Variants in SNED1 observed in about 807,000 individuals in gnomAD.
The protein encoded by SNED1 is sushi, nidogen and EGF-like domain-containing protein 1.
In SNED1, 81 loss-of-function variants were observed where a neutral mutation model predicts 166.7. The observed-to-expected ratio is 0.49, with a 90% CI of 0.41 to 0.58. The LOEUF is 0.58. Ranked by LOEUF, SNED1 falls within the 20% of genes least tolerant of loss-of-function variation. The pLI, the probability that SNED1 is intolerant of heterozygous loss-of-function variation, is 0.00. For synonymous variants in SNED1, 762 were observed against 822.0 expected, an observed-to-expected ratio of 0.93 and a Z score of 1.25; for missense variants, 1,604 against 2,000.2, an observed-to-expected ratio of 0.80 and a Z score of 3.78.
chr2:241,038,074 C>CCA (rs1478248621), intron 6 of SNED1, among the ~76,000 whole-genome samples: 5 of 151,880 alleles, frequency 3.3e-5, no homozygotes, highest in Non-Finnish European at 5.9e-5. Context: ...GGTGGACCCC[C>CCA]CCCCAATTCC....
chr2:241,014,712 T>A (rs927979029), intron 1 of SNED1, among the ~76,000 whole-genome samples: 1 of 152,206 alleles, frequency 6.6e-6, no homozygotes, highest in Non-Finnish European at 1.5e-5. Context: ...TTTAATGGCA[T>A]CCTTGGGTGG....
chr2:241,073,583 G>T lies in SNED1; in HGVS notation c.3916+219G>T. 1 of 597,242 alleles carries T rather than the reference G, an allele frequency of 1.7e-6. No individual in the cohort carries two copies. Among genetic ancestry groups the T allele is most frequent in the Non-Finnish European group, 3.0e-6 (1 of 332,006 alleles). 37.0% of individuals were successfully genotyped at this position (597,242 alleles called of 1,614,324 possible). A position where few individuals can be genotyped will look rare whatever the true frequency, so the allele number is the denominator to read the frequency against. The stretch of plus-strand genomic sequence containing the variant: ...CAGACGGGAACAGGCCAGGGGGCAG[G>T]ACCCACCCAAACCACCCAGAGTCTG... On this transcript the variant is annotated intron_variant, in intron 27 of 31. Transcript: ENST00000310397. The surrounding 1 kb of genome is among the most constrained non-coding windows in gnomAD (Gnocchi z 6.6).
At chr2:241,024,535 C>A (rs920403693) in intron 1 of SNED1, among the ~76,000 whole-genome samples, 1 of 151,324 alleles carries the variant, frequency 6.6e-6, no homozygotes, top group Non-Finnish European at 1.5e-5. Flanking sequence ...TGTAAGCCAC[C>A]GCACCCAGCC....
chr2:241,040,967 C>G, intron 8 of SNED1: 1 of 403,888 alleles, frequency 2.5e-6, no homozygotes, highest in Non-Finnish European at 5.0e-6. Flanking sequence ...CTGATTGTTG[C>G]ACCTGCCTCC....
In SNED1 at chr2:241,071,707, A is replaced by AATGCCCCCCC; in HGVS notation, c.3721_3722insATGCCCCCCC (p.Thr1241AsnfsTer61). 1.2e-6 allele frequency: 1 copy of AATGCCCCCCC among 805,488 alleles called. No individual in the cohort carries two copies. Among genetic ancestry groups the AATGCCCCCCC allele is most frequent in the Non-Finnish European group, 1.8e-6 (1 of 564,406 alleles). 49.9% of individuals were successfully genotyped at this position (805,488 alleles called of 1,614,324 possible). On this transcript the variant is annotated frameshift_variant, in exon 25 of 32. Coordinates refer to ENST00000310397, the MANE Select transcript of SNED1 (RefSeq NM_001080437.3). LOFTEE classifies it high-confidence loss of function. ...TGACCACAGCGCCCCCGAGACCCCC[A>AATGCCCCCCC]CCCAGCCCCCCAGGTACATGCCCCA...
chr2:241,048,317 G>A lies in SNED1; in HGVS notation c.1276G>A (p.Asp426Asn), dbSNP rs1172489075. ...GGTGACTGCCGTCTTTCTTGCAGGA[G>A]ACCATCCAGTGCCAGACGCCTGCCT... ...PFKGLRCETG[D>N]HPVPDACLSA... Residue 426 changes from aspartate (D) to asparagine (N), a missense_variant and splice_region_variant, in exon 9 of 32, where the codon GAC becomes AAC. By Grantham distance (23) the Asp-to-Asn change is conservative. Coordinates refer to ENST00000310397, the MANE Select transcript of SNED1 (RefSeq NM_001080437.3). 8.8e-6 allele frequency: 14 copies of A among 1,599,298 alleles called. No homozygotes were observed. The highest frequency in any genetic ancestry group is 2.7e-5 in the African/African-American group (2 of 74,326).
chr2:241,062,232 T>C (rs1387913649), intron 16 of SNED1, among the ~76,000 whole-genome samples: 2 of 152,170 alleles, frequency 1.3e-5, no homozygotes, highest in South Asian at 2.1e-4. Context: ...GGGTACACGG[T>C]CGGATGAGCC....
In SNED1 at chr2:240,999,448, G is replaced by T. The variant is rs62186610; in HGVS notation, c.213+398G>T. ...CTCAGTTTCCCAAGTGGGGCGCCGG[G>T]CCTGCGAAGGTTGCAGCCCCTCCTT... On this transcript the variant is annotated intron_variant, in intron 1 of 31. Coordinates refer to ENST00000310397, the MANE Select transcript of SNED1 (RefSeq NM_001080437.3). This position sits in a 1 kb window ranked among gnomAD's most constrained non-coding sequence, Gnocchi z 5.8. Among the ~76,000 whole-genome samples, 87 of 152,322 alleles carry T rather than the reference G, an allele frequency of 5.7e-4. No individual in the cohort carries two copies. Among genetic ancestry groups the T allele is most frequent in the Non-Finnish European group, 1.1e-3 (76 of 68,010 alleles).
intron 17 of SNED1, 117 bp downstream of exon 17, chr2:241,063,021 T>A (rs1486156402): frequency 1.6e-5 from 10 of 637,788 alleles, no homozygotes; most frequent in Non-Finnish European, 2.7e-5. Context: ...CACTGCATGC[T>A]TTCTCGGGCC....
chr2:241,070,719 G>A (rs1426663528), intron 24 of SNED1, among the ~76,000 whole-genome samples: 2 of 152,230 alleles, frequency 1.3e-5, no homozygotes, highest in Non-Finnish European at 1.5e-5. Context: ...CCAAGTGCAG[G>A]GGTGGCCCTT....
intron 1 of SNED1, among the ~76,000 whole-genome samples, chr2:241,003,712 C>CT (rs569639647): frequency 4.5e-4 from 69 of 152,322 alleles, no homozygotes; most frequent in Middle Eastern, 6.8e-3. Flanking sequence ...AGGAAAGTCT[C>CT]TGTCTGCACT....
At chr2:241,012,341 C>T (rs1205929379) in intron 1 of SNED1, among the ~76,000 whole-genome samples, 4 of 152,320 alleles carry the variant, frequency 2.6e-5, no homozygotes, top group African/African-American at 4.8e-5. Context: ...AAAGATCAAA[C>T]GTAACGCAAA....
intron 16 of SNED1, among the ~76,000 whole-genome samples, chr2:241,054,198 T>C (rs900858404): frequency 1.3e-5 from 2 of 152,074 alleles, no homozygotes; most frequent in Non-Finnish European, 2.9e-5. Flanking sequence ...CTTCCCCACC[T>C]ATATGTTGCC....
At chr2:241,037,040 T>C (rs560435274) in intron 5 of SNED1, 125 bp downstream of exon 5, 6 of 1,274,948 alleles carry the variant, frequency 4.7e-6, no homozygotes, top group Admixed American at 2.3e-5. Context: ...CCCCAGGGTG[T>C]GGGTGACTTG....
intron 16 of SNED1, 78 bp downstream of exon 16, chr2:241,053,404 G>C: frequency 7.0e-7 from 1 of 1,423,464 alleles, no homozygotes; most frequent in East Asian, 2.3e-5. Context: ...GAGCACAGGG[G>C]CTGCAGGCCC....
Position 241,056,652 on chromosome 2 carries a change from C to T in SNED1, c.2257+3326C>T, listed in dbSNP as rs534166689. Among the ~76,000 whole-genome samples, 190 of 141,864 alleles carry T rather than the reference C, an allele frequency of 1.3e-3. 4 individuals are homozygous for T. The Admixed American group carries it at 0.014, about 10-fold the overall frequency. 93.1% of individuals were successfully genotyped at this position (141,864 alleles called of 152,430 possible). ...CTGGAGTGCAGTGGCACGATCTCGG[C>T]TCACTGCAATCTCCGCCTCCTGGGT... On this transcript the variant is annotated intron_variant, in intron 16 of 31. Coordinates refer to ENST00000310397, the MANE Select transcript of SNED1 (RefSeq NM_001080437.3).
intron 1 of SNED1, among the ~76,000 whole-genome samples, chr2:241,002,848 C>T (rs1250107348): frequency 6.6e-6 from 1 of 152,094 alleles, no homozygotes; most frequent in Non-Finnish European, 1.5e-5. Flanking sequence ...CATGAATAAA[C>T]CCCTGAGAGC....
At chr2:241,048,005 C>A (rs1310256740) in intron 8 of SNED1, among the ~76,000 whole-genome samples, 2 of 150,616 alleles carry the variant, frequency 1.3e-5, no homozygotes, top group Non-Finnish European at 3.0e-5. Flanking sequence ...TCTGTCCAAT[C>A]CTGGGTGGTC....
intron 16 of SNED1, among the ~76,000 whole-genome samples, chr2:241,060,463 C>T (rs575015698): frequency 2.8e-4 from 42 of 152,128 alleles, no homozygotes; most frequent in South Asian, 1.2e-3. Flanking sequence ...ATTACAGGCG[C>T]GAGCCACCAT....
Sources: gnomAD v4.1 joint callset for allele counts (sites outside exome capture counted in the v4.1 genomes callset) on GRCh38, gnomAD v4.1.1 for gene constraint, Gnocchi (gnomAD v3.1) non-coding constraint, MANE v1.5 for transcripts, NCBI Gene and HGNC (gene_info 2026-07-23, HGNC 2026-07-21) for gene names.